The following CYB5B variants were observed in gnomAD, a reference collection of about 807,000 sequenced individuals.
CYB5B encodes the protein cytochrome b5 type B, also known as cytochrome b5 type B (outer mitochondrial membrane).
CYB5B carries 14 observed loss-of-function variants against 21.3 expected under a neutral mutation model. That is an observed-to-expected ratio of 0.66 (90% CI 0.43 to 1.03). The LOEUF (loss-of-function observed/expected upper bound fraction) is 1.03, where lower values mean the gene tolerates loss of function less well. Ranked by LOEUF, CYB5B falls within the 50% of genes least tolerant of loss-of-function variation. CYB5B has a pLI of 0.00. For missense variants in CYB5B, 166 were observed against 185.1 expected (o/e 0.90, Z 0.60); for synonymous variants, 69 against 68.4 (o/e 1.01, Z -0.04).
intron 1 of CYB5B, among the ~76,000 whole-genome samples, chr16:69,431,484 A>C (rs1454752903): frequency 2.0e-5 from 3 of 152,084 alleles, no homozygotes; most frequent in Non-Finnish European, 4.4e-5. Context: ...CTTAAAAACA[A>C]AACAAAGCTG....
intron 1 of CYB5B, among the ~76,000 whole-genome samples, chr16:69,425,097 C>T (rs2014629572): frequency 6.6e-6 from 1 of 152,130 alleles, no homozygotes; most frequent in Non-Finnish European, 1.5e-5. Context: ...ATGTGTCGAG[C>T]ATTTGCTGTG....
At chr16:69,430,036 C>A (rs1045909401) in intron 1 of CYB5B, among the ~76,000 whole-genome samples, 1 of 152,110 alleles carries the variant, frequency 6.6e-6, no homozygotes, top group African/African-American at 2.4e-5. Context: ...TCAGTGCATT[C>A]ATGAGTTGTT....
At position 69,466,139 on chromosome 16, in the gene CYB5B, C is replaced by T. The variant is rs2015087537; in HGVS notation, c.*3619C>T. The T allele has an allele frequency of 6.6e-6, 1 of 152,424 alleles. No individual in the cohort carries two copies. The highest frequency in any genetic ancestry group is 2.4e-5 in the African/African-American group (1 of 41,340). 9.4% of individuals were successfully genotyped at this position (152,424 alleles called of 1,614,324 possible). Reference sequence around the variant, plus strand: ...AACGGTAACATTCCTTTTGTGTATTCAATAATGCAGTTAGTTTACCTTTTT... The same window carrying T: ...AACGGTAACATTCCTTTTGTGTATTTAATAATGCAGTTAGTTTACCTTTTT... On this transcript the variant is annotated 3_prime_UTR_variant, in exon 5 of 5. Coordinates refer to ENST00000307892, the MANE Select transcript of CYB5B (RefSeq NM_030579.3).
At chr16:69,430,542 G>C (rs191363194) in intron 1 of CYB5B, among the ~76,000 whole-genome samples, 1 of 151,954 alleles carries the variant, frequency 6.6e-6, no homozygotes, top group Non-Finnish European at 1.5e-5. Context: ...TGTATATGGT[G>C]TTTATTGGAT....
rs1378890616 is a variant in CYB5B, at chr16:69,424,833, C to T, written c.150C>T (p.Tyr50=). Residue 50 remains tyrosine (Y), a synonymous_variant, in exon 1 of 5, where the codon TAC becomes TAT. Coordinates refer to ENST00000307892, the MANE Select transcript of CYB5B (RefSeq NM_030579.3). ...ELWLVIHGRV[Y]DVTRFLNEHP... ...GGCTTGTGATCCATGGGCGAGTCTA[C>T]GATGTCACCCGCTTCCTCAACGAGG... 1 of 1,587,406 alleles carries T rather than the reference C, an allele frequency of 6.3e-7. No homozygotes were observed. Among genetic ancestry groups the T allele is most frequent in the African/African-American group, 1.4e-5 (1 of 73,860 alleles).
intron 2 of CYB5B, 31 bp downstream of exon 2, chr16:69,447,309 G>A: frequency 6.2e-7 from 1 of 1,606,726 alleles, no homozygotes; most frequent in Non-Finnish European, 8.5e-7. Flanking sequence ...GAGCCCTTAT[G>A]CAGAGAAAAC....
intron 1 of CYB5B, among the ~76,000 whole-genome samples, chr16:69,429,497 C>T (rs959386169): frequency 2.6e-5 from 4 of 152,160 alleles, no homozygotes; most frequent in African/African-American, 9.7e-5. Context: ...ATTTACAATC[C>T]TCTAGCTAGA....
In CYB5B at chr16:69,439,714, G is replaced by A. The variant is rs117448775; in HGVS notation, c.175-7436G>A. ...CCTGAGTAGCTGGAATTATAGGAGC[G>A]GGCCACCACACCCAGCTAATTTTTG... is the stretch of plus-strand genomic sequence containing the variant. On this transcript the variant is annotated intron_variant, in intron 1 of 4. Coordinates refer to ENST00000307892, the MANE Select transcript of CYB5B (RefSeq NM_030579.3). Among the ~76,000 whole-genome samples the A allele has an allele frequency of 9.2e-5, 14 of 151,686 alleles. 1 individual carries two copies. In the East Asian group the frequency reaches 1.9e-3, roughly 21 times the overall value.
At chr16:69,452,965 C>T (rs1047128947) in intron 3 of CYB5B, among the ~76,000 whole-genome samples, 3 of 150,852 alleles carry the variant, frequency 2.0e-5, no homozygotes, top group African/African-American at 4.9e-5. Flanking sequence ...TGCCAATGCA[C>T]TCCAGCCTGG....
intron 1 of CYB5B, among the ~76,000 whole-genome samples, chr16:69,438,849 G>A (rs944183529): frequency 6.6e-6 from 1 of 151,966 alleles, no homozygotes; most frequent in African/African-American, 2.4e-5. Context: ...TATATATTCT[G>A]GATATTAATT....
At position 69,463,868 on chromosome 16, in the gene CYB5B, A is replaced by C. The variant is rs1258000429; in HGVS notation, c.*1348A>C. On this transcript the variant is annotated 3_prime_UTR_variant, in exon 5 of 5. Transcript: ENST00000307892. The stretch of plus-strand genomic sequence containing the variant: ...TATGTTACTGTGTCTTATTGGTTCA[A>C]TGATGATTTCTCTGGCATATTAGAC... 2.0e-5 allele frequency: 3 copies of C among 152,154 alleles called. No individual in the cohort carries two copies. Among genetic ancestry groups the C allele is most frequent in the African/African-American group, 7.2e-5 (3 of 41,424 alleles). 9.4% of individuals were successfully genotyped at this position (152,154 alleles called of 1,614,324 possible).
intron 1 of CYB5B, among the ~76,000 whole-genome samples, chr16:69,437,134 T>C (rs918593709): frequency 2.6e-5 from 4 of 152,236 alleles, no homozygotes; most frequent in African/African-American, 9.6e-5. Context: ...TTGATTATTA[T>C]TGCTTGATTT....
At chr16:69,432,022 C>T (rs2014711107) in intron 1 of CYB5B, among the ~76,000 whole-genome samples, 1 of 152,156 alleles carries the variant, frequency 6.6e-6, no homozygotes, top group African/African-American at 2.4e-5. Flanking sequence ...CAGAAAAGAG[C>T]ATTCCAGCAG....
intron 1 of CYB5B, chr16:69,443,421 G>A: frequency 5.7e-6 from 1 of 175,170 alleles, no homozygotes. Context: ...ATTTCTTATT[G>A]GTCAGTTGCC....
intron 2 of CYB5B, 134 bp from the exon 3 acceptor site, chr16:69,447,981 A>G: frequency 4.6e-6 from 4 of 878,856 alleles, no homozygotes; most frequent in East Asian, 5.1e-5. Context: ...GTATCTTTCT[A>G]TGGATCCTCA....
intron 1 of CYB5B, among the ~76,000 whole-genome samples, chr16:69,440,734 C>CGTGTGTGTTGCGT (rs1307677232): frequency 1.6e-5 from 1 of 61,456 alleles, no homozygotes; most frequent in Non-Finnish European, 3.3e-5. Context: ...CTGCTATGGC[C>CGTGTGTGTTGCGT]GTGTGTGTTG....
At chr16:69,427,038 G>A (rs1266076253) in intron 1 of CYB5B, among the ~76,000 whole-genome samples, 2 of 152,102 alleles carry the variant, frequency 1.3e-5, no homozygotes, top group East Asian at 3.9e-4. Context: ...TCAGGAGTTC[G>A]AGACCAGTCT....
At position 69,465,176 on chromosome 16, in the gene CYB5B, T is replaced by A. The variant is rs1460683436; in HGVS notation, c.*2656T>A. The A allele has an allele frequency of 3.2e-5, 5 of 156,764 alleles. No individual in the cohort carries two copies. Among genetic ancestry groups the A allele is most frequent in the African/African-American group, 9.6e-5 (4 of 41,516 alleles). The allele number at this position is 156,764 out of a possible 1,614,324, so 9.7% of individuals were successfully genotyped here. On this transcript the variant is annotated 3_prime_UTR_variant, in exon 5 of 5. Transcript: ENST00000307892. ...GGAGCTGGTCTCTGGGGTGTTCGGT[T>A]GTTTATTCCTGAGGAAGACTAGCTG... is the stretch of plus-strand genomic sequence containing the variant.
At chr16:69,441,105 A>G (rs868745920) in intron 1 of CYB5B, among the ~76,000 whole-genome samples, 31 of 151,374 alleles carry the variant, frequency 2.0e-4, no homozygotes, top group South Asian at 6.2e-4. Context: ...GGATATTGAC[A>G]TTAATCAGTC....
Sources: allele counts gnomAD v4.1 joint callset (sites outside exome capture counted in the v4.1 genomes callset), GRCh38; gene constraint gnomAD v4.1.1; transcripts MANE v1.5; gene names NCBI Gene and HGNC (gene_info 2026-07-23, HGNC 2026-07-21).